The following EIF2B3 variants were observed in gnomAD, a reference collection of about 807,000 sequenced individuals.
EIF2B3 encodes eukaryotic translation initiation factor 2B subunit gamma.
EIF2B3 carries 20 observed loss-of-function variants against 54.1 expected under a neutral mutation model. The observed-to-expected ratio is 0.37, with a 90% confidence interval of 0.26 to 0.54. EIF2B3 has a LOEUF of 0.54. EIF2B3 is among the 20% of genes least tolerant of loss of function. The probability of loss-of-function intolerance (pLI) is 0.86; values close to 1 mark genes in which losing one functional copy is unlikely to be tolerated. For synonymous variants in EIF2B3, 153 were observed against 188.1 expected, an observed-to-expected ratio of 0.81 and a Z score of 1.52; for missense variants, 448 against 547.8, an observed-to-expected ratio of 0.82 and a Z score of 1.82.
chr1:44,877,191 A>ATT (rs369207718), intron 8 of EIF2B3, among the ~76,000 whole-genome samples: 10 of 131,552 alleles, frequency 7.6e-5, no homozygotes, highest in African/African-American at 2.9e-4. Flanking sequence ...AGAATGATCA[A>ATT]TAAAAAAAAA....
chr1:44,928,620 T>G (rs1643873442), intron 4 of EIF2B3, among the ~76,000 whole-genome samples: 1 of 152,032 alleles, frequency 6.6e-6, no homozygotes, highest in South Asian at 2.1e-4. Context: ...CTACAGGCAG[T>G]AGATTCTATG....
At chr1:44,966,746 T>G (rs989951752) in intron 3 of EIF2B3, among the ~76,000 whole-genome samples, 3 of 152,116 alleles carry the variant, frequency 2.0e-5, no homozygotes, top group African/African-American at 4.8e-5. Context: ...AAAAAGATAA[T>G]AAAGATTAAA....
chr1:44,896,305 A>T (rs1655968293), intron 6 of EIF2B3, among the ~76,000 whole-genome samples: 1 of 152,160 alleles, frequency 6.6e-6, no homozygotes, highest in South Asian at 2.1e-4. Context: ...AAGCTTTCTA[A>T]AAGTCCAAAT....
In EIF2B3 at chr1:44,874,731, A is replaced by G. The variant is rs748587746; in HGVS notation, c.1149T>C (p.Asp383=). 1.2e-6 allele frequency: 2 copies of G among 1,614,162 alleles called. No individual in the cohort carries two copies. Among genetic ancestry groups the G allele is most frequent in the Non-Finnish European group, 1.7e-6 (2 of 1,180,024 alleles). Residue 383 remains aspartate (D), a synonymous_variant, in exon 10 of 12, where the codon GAT becomes GAC. Transcript: ENST00000360403. ...GAAGGCAATTGGTAATAGTCACTCT[A>G]TCTTTTATGAGACAGGATGAGCCAA... ...SVIGSSCLIK[D]RVTITNCLLM...
chr1:44,894,684 T>C (rs1216826359), intron 6 of EIF2B3, among the ~76,000 whole-genome samples: 1 of 152,168 alleles, frequency 6.6e-6, no homozygotes, highest in East Asian at 1.9e-4. Flanking sequence ...CAGTCCTTTC[T>C]TGAAGCTGTG....
chr1:44,959,319 T>A (rs1644260881), intron 3 of EIF2B3: 1 of 618,526 alleles, frequency 1.6e-6, no homozygotes, highest in African/African-American at 1.8e-5. Context: ...GCTTATTTAG[T>A]TTTGCCTCTC....
chr1:44,983,113 T>A (rs922742701), intron 1 of EIF2B3, among the ~76,000 whole-genome samples: 2 of 151,924 alleles, frequency 1.3e-5, no homozygotes, highest in African/African-American at 2.4e-5. Flanking sequence ...AGATGGGGTT[T>A]CACTATGCTG....
intron 5 of EIF2B3, among the ~76,000 whole-genome samples, chr1:44,919,631 C>T (rs910941388): frequency 6.6e-6 from 1 of 151,854 alleles, no homozygotes; most frequent in Non-Finnish European, 1.5e-5. Flanking sequence ...GGTCTGGTTG[C>T]CATTTATACT....
intron 11 of EIF2B3, 96 bp downstream of exon 11, chr1:44,857,608 C>T (rs998828813): frequency 8.5e-5 from 94 of 1,100,418 alleles, no homozygotes; most frequent in Non-Finnish European, 1.2e-4. Context: ...CCGCAGTGTA[C>T]GTATGTGCTT....
intron 10 of EIF2B3, among the ~76,000 whole-genome samples, chr1:44,873,457 C>T (rs1387402060): frequency 6.6e-6 from 1 of 152,120 alleles, no homozygotes; most frequent in Non-Finnish European, 1.5e-5. Flanking sequence ...CCCCCATTTC[C>T]CTTTCCATCT....
At chr1:44,956,362 C>T (rs576122009) in intron 3 of EIF2B3, among the ~76,000 whole-genome samples, 7 of 151,600 alleles carry the variant, frequency 4.6e-5, no homozygotes, top group South Asian at 2.1e-4. Context: ...CAGGGCCTGT[C>T]GGGGGGTGGG....
At chr1:44,927,678 T>TA (rs1477571536) in intron 4 of EIF2B3, among the ~76,000 whole-genome samples, 1 of 152,186 alleles carries the variant, frequency 6.6e-6, no homozygotes, top group Non-Finnish European at 1.5e-5. Flanking sequence ...GTCTGTATGT[T>TA]AAAGTATGGT....
At position 44,959,323 on chromosome 1, in the gene EIF2B3, G is replaced by C. The variant is rs1644260913; in HGVS notation, c.295-17658C>G. On this transcript the variant is annotated intron_variant, in intron 3 of 11. Transcript: ENST00000360403. The stretch of plus-strand genomic sequence containing the variant: ...AACCAGCAACAGCTTATTTAGTTTT[G>C]CCTCTCCTCTCTGAGTGGTGAATTA... 8.2e-6 allele frequency: 5 copies of C among 610,804 alleles called. No individual in the cohort carries two copies. The South Asian group carries it at 8.4e-5, about 10-fold the overall frequency. 37.8% of individuals were successfully genotyped at this position (610,804 alleles called of 1,614,324 possible).
intron 6 of EIF2B3, among the ~76,000 whole-genome samples, chr1:44,891,910 T>C (rs540333777): frequency 6.6e-6 from 1 of 152,300 alleles, no homozygotes; most frequent in East Asian, 1.9e-4. Flanking sequence ...TTTTATGTTT[T>C]GTAATTTTTG....
At chr1:44,933,512 C>T (rs1302358806) in intron 4 of EIF2B3, among the ~76,000 whole-genome samples, 1 of 151,998 alleles carries the variant, frequency 6.6e-6, no homozygotes, top group Non-Finnish European at 1.5e-5. Context: ...AAAAAATTAG[C>T]TGAAAATGTT....
intron 8 of EIF2B3, among the ~76,000 whole-genome samples, chr1:44,875,981 T>C: frequency 6.6e-6 from 1 of 152,232 alleles, no homozygotes; most frequent in Non-Finnish European, 1.5e-5. Context: ...GAGACGGGTT[T>C]CGCTGTGTTG....
At chr1:44,919,121 G>A (rs1643685621) in intron 5 of EIF2B3, among the ~76,000 whole-genome samples, 1 of 152,154 alleles carries the variant, frequency 6.6e-6, no homozygotes, top group South Asian at 2.1e-4. Context: ...GCTGAGGTGG[G>A]TGGATCACTT....
chr1:44,891,249 G>A (rs937855795), intron 6 of EIF2B3, among the ~76,000 whole-genome samples: 3 of 152,136 alleles, frequency 2.0e-5, no homozygotes, highest in African/African-American at 2.4e-5. Context: ...ACAGGCATGT[G>A]CCACCATGCT....
chr1:44,888,017 T>C (rs372620327), intron 6 of EIF2B3, among the ~76,000 whole-genome samples: 3 of 152,314 alleles, frequency 2.0e-5, no homozygotes, highest in Middle Eastern at 3.4e-3. Flanking sequence ...GCAGCACCAA[T>C]TGGCTGACTT....
Sources: allele counts gnomAD v4.1 joint callset (sites outside exome capture counted in the v4.1 genomes callset), GRCh38; gene constraint gnomAD v4.1.1; transcripts MANE v1.5; gene names NCBI Gene and HGNC (gene_info 2026-07-23, HGNC 2026-07-21).